WWP1: variants seen among roughly 807,000 people sequenced by gnomAD.
WWP1 encodes the protein WW domain containing E3 ubiquitin protein ligase 1.
Under a neutral mutation model 130.6 loss-of-function variants are expected in WWP1, and 49 were observed. That is an observed-to-expected ratio of 0.38 (90% CI 0.30 to 0.48). The LOEUF is 0.48. Among genes scored for constraint, WWP1 ranks in the 20% least tolerant of loss-of-function variants. The pLI, the probability that WWP1 is intolerant of heterozygous loss-of-function variation, is 0.99. For synonymous variants in WWP1, 332 were observed against 367.8 expected (o/e 0.90, Z 1.11); for missense variants, 809 against 1,100.6 (o/e 0.74, Z 3.75).
chr8:86,443,753 G>A (rs1216610907), intron 18 of WWP1, among the ~76,000 whole-genome samples: 1 of 152,198 alleles, frequency 6.6e-6, no homozygotes, highest in Admixed American at 6.5e-5. Context: ...AACAGAAATT[G>A]AAGAAAGCTA....
At chr8:86,461,930 A>T (rs1811789105) in intron 24 of WWP1, 84 bp downstream of exon 24, 1 of 1,072,562 alleles carries the variant, frequency 9.3e-7, no homozygotes, top group Non-Finnish European at 1.4e-6. Context: ...AAGATCCAGT[A>T]TAACTGCTTA....
chr8:86,346,749 G>A (rs747077765), intron 1 of WWP1, among the ~76,000 whole-genome samples: 10 of 151,996 alleles, frequency 6.6e-5, no homozygotes, highest in Non-Finnish European at 1.3e-4. Context: ...CAATTATAAT[G>A]AGCATTGGAA....
At chr8:86,391,376 C>T (rs1484067590) in intron 5 of WWP1, among the ~76,000 whole-genome samples, 1 of 152,204 alleles carries the variant, frequency 6.6e-6, no homozygotes, top group Non-Finnish European at 1.5e-5. Context: ...ACATTCCAAA[C>T]TATGGAAATA....
chr8:86,343,880 A>G (rs1373264401), intron 1 of WWP1, among the ~76,000 whole-genome samples: 60 of 152,114 alleles, frequency 3.9e-4, no homozygotes, highest in East Asian at 3.9e-4. Context: ...TAGTAGTGGG[A>G]AAAAAAATCA....
At chr8:86,425,150 T>G (rs1809546682) in intron 9 of WWP1, 73 bp from the exon 10 acceptor site, 3 of 1,228,434 alleles carry the variant, frequency 2.4e-6, no homozygotes, top group Non-Finnish European at 3.4e-6. Context: ...TTTTTCTGAT[T>G]ATAAGGAAGA....
chr8:86,453,981 T>C (rs1241612790), intron 21 of WWP1, among the ~76,000 whole-genome samples: 2 of 152,138 alleles, frequency 1.3e-5, no homozygotes, highest in African/African-American at 4.8e-5. Flanking sequence ...CAAATGTGCA[T>C]ATGAAAAACA....
In WWP1 at chr8:86,415,916, C is replaced by T. The variant is rs529968317; in HGVS notation, c.1061+4042C>T. On this transcript the variant is annotated intron_variant, in intron 9 of 24. Transcript: ENST00000517970. The stretch of plus-strand genomic sequence containing the variant: ...TCTTCGTGCTCAAAACTATGCCTAC[C>T]GTATAGCAGGCACTCAATAAATATT... Among the ~76,000 whole-genome samples, 20 of 152,224 alleles carry T rather than the reference C, an allele frequency of 1.3e-4. No individual in the cohort carries two copies. The South Asian group carries it at 1.5e-3, about 11-fold the overall frequency.
intron 9 of WWP1, among the ~76,000 whole-genome samples, chr8:86,415,722 G>T (rs967199131): frequency 2.0e-5 from 3 of 152,130 alleles, no homozygotes; most frequent in African/African-American, 7.2e-5. Context: ...TTTCCCTGCT[G>T]TAGAACTTAC....
intron 5 of WWP1, among the ~76,000 whole-genome samples, chr8:86,384,453 C>A (rs527791936): frequency 6.6e-6 from 1 of 152,146 alleles, no homozygotes; most frequent in East Asian, 1.9e-4. Flanking sequence ...CAAGAGTATA[C>A]ACGTAATTTC....
chr8:86,423,148 A>G (rs924396240), intron 9 of WWP1, among the ~76,000 whole-genome samples: 4 of 151,402 alleles, frequency 2.6e-5, no homozygotes, highest in Non-Finnish European at 4.4e-5. Flanking sequence ...AGAACTAATT[A>G]GCATAATTAT....
intron 23 of WWP1, 71 bp downstream of exon 23, chr8:86,461,391 G>T: frequency 7.7e-7 from 1 of 1,295,700 alleles, no homozygotes; most frequent in Non-Finnish European, 1.1e-6. Context: ...ACATACAATA[G>T]ACTTGATTGA....
intron 20 of WWP1, 33 bp downstream of exon 20, chr8:86,448,546 T>A (rs1310539184): frequency 6.3e-7 from 1 of 1,594,072 alleles, no homozygotes; most frequent in Non-Finnish European, 8.5e-7. Context: ...GCTTAATTTC[T>A]AGAACACTTC....
chr8:86,389,939 G>A (rs576583590), intron 5 of WWP1, among the ~76,000 whole-genome samples: 4 of 152,100 alleles, frequency 2.6e-5, no homozygotes, highest in South Asian at 2.1e-4. Flanking sequence ...CTTCCCGGAC[G>A]GGGCGGCTGC....
At chr8:86,461,623 T>G in intron 23 of WWP1, 151 bp from the exon 24 acceptor site, 1 of 682,026 alleles carries the variant, frequency 1.5e-6, no homozygotes, top group Non-Finnish European at 2.5e-6. Flanking sequence ...TCTGCAACAA[T>G]TTTCTTCTTC....
At chr8:86,466,765 C>T (rs1394718813) in intron 24 of WWP1, 29 bp from the exon 25 acceptor site, 1 of 1,417,404 alleles carries the variant, frequency 7.1e-7, no homozygotes, top group South Asian at 1.3e-5. Flanking sequence ...TTATTGAAAA[C>T]ATCTGATTTT....
intron 24 of WWP1, among the ~76,000 whole-genome samples, chr8:86,466,424 C>T (rs1812141189): frequency 1.3e-5 from 2 of 151,660 alleles, no homozygotes; most frequent in African/African-American, 4.8e-5. Flanking sequence ...AAAAAATTCT[C>T]GGTAAATGAC....
chr8:86,451,640 C>T (rs558788247), intron 20 of WWP1, among the ~76,000 whole-genome samples: 3 of 152,254 alleles, frequency 2.0e-5, no homozygotes, highest in Admixed American at 2.0e-4. Flanking sequence ...GTTTTGGAGG[C>T]AGCCTTAGAA....
chr8:86,369,217 G>A (rs1025667912), intron 2 of WWP1, among the ~76,000 whole-genome samples, 186 bp downstream of exon 2: 1 of 152,130 alleles, frequency 6.6e-6, no homozygotes, highest in Non-Finnish European at 1.5e-5. Flanking sequence ...TCCTCACACA[G>A]TGTTACTGTA....
At chr8:86,345,384 A>G (rs1340559447) in intron 1 of WWP1, among the ~76,000 whole-genome samples, 1 of 152,150 alleles carries the variant, frequency 6.6e-6, no homozygotes. Flanking sequence ...GTCATCCATG[A>G]CACTCATCTC....
Sources: allele counts gnomAD v4.1 joint callset (sites outside exome capture counted in the v4.1 genomes callset), GRCh38; gene constraint gnomAD v4.1.1; transcripts MANE v1.5; gene names NCBI Gene and HGNC (gene_info 2026-07-23, HGNC 2026-07-21).